The following SLC8A1 variants were observed in gnomAD, a reference collection of about 807,000 sequenced individuals.
SLC8A1 encodes solute carrier family 8 member A1.
Under a neutral mutation model 68.3 loss-of-function variants are expected in SLC8A1, and 18 were observed. The ratio of observed to expected loss-of-function variants is 0.26; its 90% CI spans 0.18 to 0.39. The LOEUF is 0.39. Among genes scored for constraint, SLC8A1 ranks in the 10% least tolerant of loss-of-function variants. The pLI, the probability that SLC8A1 is intolerant of heterozygous loss-of-function variation, is 1.00. For synonymous variants in SLC8A1, 475 were observed against 415.5 expected (o/e 1.14, Z -1.74); for missense variants, 985 against 1,156.7 (o/e 0.85, Z 2.15).
chr2:40,413,290 G>A (rs1053271069), intron 2 of SLC8A1, among the ~76,000 whole-genome samples: 2 of 152,132 alleles, frequency 1.3e-5, no homozygotes, highest in African/African-American at 2.4e-5. Context: ...CTGCTATAAA[G>A]ACACATGCAC....
intron 4 of SLC8A1, among the ~76,000 whole-genome samples, chr2:40,169,509 A>G (rs1247991072): frequency 1.3e-5 from 2 of 152,118 alleles, no homozygotes; most frequent in Non-Finnish European, 2.9e-5. Flanking sequence ...GTAATCCTCT[A>G]GTCACCCTGT....
At chr2:40,232,289 G>A (rs935395624) in intron 2 of SLC8A1, among the ~76,000 whole-genome samples, 3 of 152,232 alleles carry the variant, frequency 2.0e-5, no homozygotes, top group Middle Eastern at 3.4e-3. Context: ...GAAATCAGGG[G>A]CATACAGGTA....
chr2:40,505,882 T>G (rs186109306), intron 1 of SLC8A1, among the ~76,000 whole-genome samples: 2 of 151,952 alleles, frequency 1.3e-5, no homozygotes, highest in Admixed American at 1.3e-4. Context: ...TCAAATTAAT[T>G]CCCTTAGATA....
chr2:40,149,388 A>G lies in SLC8A1; in HGVS notation c.2162-9712T>C, dbSNP rs551678355. 2.6e-5 allele frequency among the ~76,000 whole-genome samples: 4 copies of G among 152,370 alleles called. No homozygotes were observed. The South Asian group carries it at 6.2e-4, about 24-fold the overall frequency. ...ACAAATAACAAATATAATATGTAATAATTTCAGATACTGATATGAGTTATG... is the reference window on the plus strand; with the variant it reads ...ACAAATAACAAATATAATATGTAATGATTTCAGATACTGATATGAGTTATG... On this transcript the variant is annotated intron_variant, in intron 6 of 7. Coordinates refer to ENST00000406785, the Ensembl canonical transcript of SLC8A1.
At chr2:40,225,660 T>C (rs1033236844) in intron 2 of SLC8A1, among the ~76,000 whole-genome samples, 2 of 152,174 alleles carry the variant, frequency 1.3e-5, no homozygotes, top group Non-Finnish European at 2.9e-5. Context: ...AAAGCCGCGC[T>C]TGCCTATGTC....
chr2:40,113,247 C>T lies in SLC8A1; in HGVS notation c.*2006G>A, dbSNP rs141347904. On this transcript the variant is annotated 3_prime_UTR_variant, in exon 8 of 8. Coordinates refer to ENST00000406785, the Ensembl canonical transcript of SLC8A1. Reference sequence around the variant, plus strand: ...CAGAAGAAAAAATAAGTCTCAACAGCTTTAATTTATTAAGTATTTTTGAAT... The same window carrying T: ...CAGAAGAAAAAATAAGTCTCAACAGTTTTAATTTATTAAGTATTTTTGAAT... The T allele has an allele frequency of 5.8e-3, 884 of 152,720 alleles. 8 individuals are homozygous for T. Among genetic ancestry groups the T allele is most frequent in the Middle Eastern group, 0.027 (8 of 294 alleles). The allele number at this position is 152,720 out of a possible 1,614,324, so 9.5% of individuals were successfully genotyped here.
chr2:40,224,918 T>A (rs2058781745), intron 2 of SLC8A1, among the ~76,000 whole-genome samples: 1 of 152,178 alleles, frequency 6.6e-6, no homozygotes, highest in Non-Finnish European at 1.5e-5. Context: ...ATGTGCTTAA[T>A]TTTTACAACT....
intron 2 of SLC8A1, among the ~76,000 whole-genome samples, chr2:40,205,830 A>AC: frequency 6.6e-6 from 1 of 151,570 alleles, no homozygotes; most frequent in East Asian, 1.9e-4. Context: ...AAAAAAAAAA[A>AC]AAGAAAAAGT....
At chr2:40,156,443 T>C (rs575471706) in intron 6 of SLC8A1, among the ~76,000 whole-genome samples, 51 of 151,312 alleles carry the variant, frequency 3.4e-4, no homozygotes, top group African/African-American at 1.2e-3. Flanking sequence ...CAAATGGATA[T>C]GTCAAAAGTA....
chr2:40,258,460 A>G (rs580448), intron 2 of SLC8A1, among the ~76,000 whole-genome samples: 40,136 of 151,968 alleles, frequency 0.26, 5,461 homozygotes, highest in Admixed American at 0.37. Context: ...CCTACCTGTC[A>G]TTTCTTCCTC....
intron 2 of SLC8A1, among the ~76,000 whole-genome samples, chr2:40,345,879 C>G (rs111471504): frequency 0.017 from 2,630 of 151,876 alleles, 27 homozygotes; most frequent in Middle Eastern, 0.068. Context: ...AGCATTAGGA[C>G]AAATACCTAA....
chr2:40,179,821 G>A (rs1350712866), intron 2 of SLC8A1, among the ~76,000 whole-genome samples: 1 of 152,162 alleles, frequency 6.6e-6, no homozygotes, highest in Non-Finnish European at 1.5e-5. Context: ...GTCATAGGTA[G>A]AAGATGCTTT....
chr2:40,123,260 T>C (rs1456731609), intron 7 of SLC8A1: 1 of 152,242 alleles, frequency 6.6e-6, no homozygotes, highest in East Asian at 1.9e-4. Flanking sequence ...CAACTCCGAC[T>C]GTGACTACAC....
At chr2:40,450,495 A>T (rs1048402310) in intron 1 of SLC8A1, among the ~76,000 whole-genome samples, 1 of 152,128 alleles carries the variant, frequency 6.6e-6, no homozygotes, top group Non-Finnish European at 1.5e-5. Context: ...TCAACTGCTC[A>T]TATCTGGAGA....
chr2:40,315,213 T>C (rs183491245), intron 2 of SLC8A1, among the ~76,000 whole-genome samples: 1 of 152,100 alleles, frequency 6.6e-6, no homozygotes, highest in East Asian at 1.9e-4. Flanking sequence ...AGATGTTGGG[T>C]TTAGTTGATT....
chr2:40,502,329 A>G (rs1165299138), intron 1 of SLC8A1, among the ~76,000 whole-genome samples: 4 of 151,998 alleles, frequency 2.6e-5, no homozygotes, highest in African/African-American at 9.7e-5. Flanking sequence ...TTTGCGGACT[A>G]TGGTCTGGTT....
intron 2 of SLC8A1, among the ~76,000 whole-genome samples, chr2:40,272,168 A>G (rs890072293): frequency 1.2e-4 from 18 of 152,150 alleles, no homozygotes; most frequent in East Asian, 3.9e-4. Context: ...GCACCTGGCC[A>G]AAACTTATTT....
chr2:40,384,214 G>T (rs1233690421), intron 2 of SLC8A1, among the ~76,000 whole-genome samples: 3 of 151,992 alleles, frequency 2.0e-5, no homozygotes, highest in African/African-American at 7.2e-5. Flanking sequence ...CTAAGAATGT[G>T]CCACTGCACT....
intron 7 of SLC8A1, among the ~76,000 whole-genome samples, chr2:40,122,421 A>C (rs1490844877): frequency 1.3e-5 from 2 of 152,192 alleles, no homozygotes; most frequent in African/African-American, 4.8e-5. Context: ...GAGGGTAAAG[A>C]AGAAATGGAG....
Sources: gnomAD v4.1 joint callset for allele counts (sites outside exome capture counted in the v4.1 genomes callset) on GRCh38, gnomAD v4.1.1 for gene constraint, MANE v1.5 for transcripts, NCBI Gene and HGNC (gene_info 2026-07-23, HGNC 2026-07-21) for gene names.